The following ARHGAP42 variants were observed in gnomAD, a reference collection of about 807,000 sequenced individuals.
ARHGAP42 encodes the protein Rho GTPase activating protein 42.
ARHGAP42 carries 63 observed loss-of-function variants against 125.0 expected under a neutral mutation model. That is an observed-to-expected ratio of 0.50 (90% CI 0.41 to 0.62). The LOEUF (loss-of-function observed/expected upper bound fraction) is 0.62, where lower values mean the gene tolerates loss of function less well. Ranked by LOEUF, ARHGAP42 falls within the 20% of genes least tolerant of loss-of-function variation. The pLI, the probability that ARHGAP42 is intolerant of heterozygous loss-of-function variation, is 0.00. For missense variants in ARHGAP42, 766 were observed against 1,024.2 expected (o/e 0.75, Z 3.44); for synonymous variants, 339 against 351.0 (o/e 0.97, Z 0.38).
At chr11:100,801,677 C>A (rs554457319) in intron 3 of ARHGAP42, among the ~76,000 whole-genome samples, 8 of 151,906 alleles carry the variant, frequency 5.3e-5, no homozygotes, top group Non-Finnish European at 1.0e-4. Context: ...AGTTTTAATG[C>A]AACAAAAAAG....
At chr11:100,719,937 A>G (rs192504017) in intron 1 of ARHGAP42, among the ~76,000 whole-genome samples, 1 of 152,042 alleles carries the variant, frequency 6.6e-6, no homozygotes, top group Non-Finnish European at 1.5e-5. Flanking sequence ...TTCACCCCCA[A>G]CCTTGCCTCC....
At chr11:100,712,693 G>A (rs1861584896) in intron 1 of ARHGAP42, among the ~76,000 whole-genome samples, 1 of 152,160 alleles carries the variant, frequency 6.6e-6, no homozygotes, top group African/African-American at 2.4e-5. Flanking sequence ...GAGGGTGAGG[G>A]AAGGAGTTAA....
At chr11:100,690,262 G>T (rs1861164343) in intron 1 of ARHGAP42, among the ~76,000 whole-genome samples, 4 of 152,026 alleles carry the variant, frequency 2.6e-5, no homozygotes. Flanking sequence ...GCACGGCACT[G>T]TTATTTTTAT....
At chr11:100,962,350 G>A (rs980423292) in intron 15 of ARHGAP42, 59 bp from the exon 16 acceptor site, 11 of 1,372,526 alleles carry the variant, frequency 8.0e-6, no homozygotes, top group African/African-American at 1.4e-5. Context: ...AACACTTAAC[G>A]TTTAGGGGAG....
At chr11:100,786,637 G>A (rs1863441798) in intron 2 of ARHGAP42, among the ~76,000 whole-genome samples, 1 of 152,118 alleles carries the variant, frequency 6.6e-6, no homozygotes, top group Non-Finnish European at 1.5e-5. Flanking sequence ...AGTTCTGGGA[G>A]AGTATCCTAA....
chr11:100,882,197 T>G (rs1187842866), intron 4 of ARHGAP42, among the ~76,000 whole-genome samples: 1 of 152,234 alleles, frequency 6.6e-6, no homozygotes, highest in Non-Finnish European at 1.5e-5. Flanking sequence ...CTTTCAACTT[T>G]TCTCCTGTTC....
At chr11:100,915,809 C>T (rs1291275835) in intron 5 of ARHGAP42, among the ~76,000 whole-genome samples, 1 of 152,148 alleles carries the variant, frequency 6.6e-6, no homozygotes, top group African/African-American at 2.4e-5. Flanking sequence ...GTTAAAGTAG[C>T]TTCCCAGGGT....
chr11:100,819,067 G>C (rs1864344130), intron 3 of ARHGAP42, among the ~76,000 whole-genome samples: 1 of 152,142 alleles, frequency 6.6e-6, no homozygotes, highest in African/African-American at 2.4e-5. Context: ...GAGTATTTTT[G>C]GGGTTACATG....
At chr11:100,895,387 T>C (rs1239079561) in intron 4 of ARHGAP42, among the ~76,000 whole-genome samples, 1 of 152,120 alleles carries the variant, frequency 6.6e-6, no homozygotes. Context: ...CTCTCCCATG[T>C]CTTTATCCTG....
rs1866616354 is a variant in ARHGAP42 at position 100,903,391 on chromosome 11, C to G, written c.385-10061C>G. ...CAGTTCATATTTGTTCATCCAGGTTCTTTGTCATCCCGGAAGAGCAGAGAA... is the reference window on the plus strand; with the variant it reads ...CAGTTCATATTTGTTCATCCAGGTTGTTTGTCATCCCGGAAGAGCAGAGAA... On this transcript the variant is annotated intron_variant, in intron 4 of 23. Transcript: ENST00000298815. Among the ~76,000 whole-genome samples the G allele has an allele frequency of 2.0e-5, 3 of 151,948 alleles. No homozygotes were observed. In the South Asian group the frequency reaches 6.2e-4, roughly 32 times the overall value.
chr11:100,834,611 C>T (rs1864738110), intron 3 of ARHGAP42, among the ~76,000 whole-genome samples: 1 of 152,026 alleles, frequency 6.6e-6, no homozygotes, highest in African/African-American at 2.4e-5. Flanking sequence ...TAATAGTGGG[C>T]ATCAGAAGTT....
intron 1 of ARHGAP42, among the ~76,000 whole-genome samples, chr11:100,751,288 T>TTTTTGTTTGTTTTTTG (rs1862450003): frequency 2.2e-5 from 3 of 139,076 alleles, no homozygotes; most frequent in Non-Finnish European, 4.6e-5. Flanking sequence ...TGTTTTTTTT[T>TTTTTGTTTGTTTTTTG]TTTTTTTTTT....
At chr11:100,817,196 C>T (rs542442950) in intron 3 of ARHGAP42, among the ~76,000 whole-genome samples, 19 of 152,276 alleles carry the variant, frequency 1.2e-4, no homozygotes, top group African/African-American at 3.8e-4. Flanking sequence ...GGATATTTAG[C>T]GGCATCCCTG....
At chr11:100,885,679 A>G (rs2135183559) in intron 4 of ARHGAP42, among the ~76,000 whole-genome samples, 1 of 152,338 alleles carries the variant, frequency 6.6e-6, no homozygotes, top group South Asian at 2.1e-4. Flanking sequence ...TATGTTGGCT[A>G]ATTGTAAGAA....
At chr11:100,885,219 C>T (rs538219499) in intron 4 of ARHGAP42, among the ~76,000 whole-genome samples, 1 of 152,296 alleles carries the variant, frequency 6.6e-6, no homozygotes, top group South Asian at 2.1e-4. Flanking sequence ...TTATGCCTGA[C>T]AGGGTGTGGG....
At chr11:100,883,446 A>G (rs1866007965) in intron 4 of ARHGAP42, among the ~76,000 whole-genome samples, 1 of 151,966 alleles carries the variant, frequency 6.6e-6, no homozygotes, top group Non-Finnish European at 1.5e-5. Flanking sequence ...GAGTTCAAGC[A>G]ATTCTCCTGC....
chr11:100,724,105 GTTGATAT>G, intron 1 of ARHGAP42, among the ~76,000 whole-genome samples: 1 of 152,180 alleles, frequency 6.6e-6, no homozygotes, highest in South Asian at 2.1e-4. Flanking sequence ...TCTTTAGCTT[GTTGATAT>G]TATGGGCTAC....
intron 1 of ARHGAP42, among the ~76,000 whole-genome samples, chr11:100,751,130 G>C (rs973932526): frequency 2.0e-5 from 3 of 151,444 alleles, no homozygotes; most frequent in Non-Finnish European, 2.9e-5. Flanking sequence ...GTAGAGATGG[G>C]GTTTTACCAT....
chr11:100,749,504 A>C (rs1862392149), intron 1 of ARHGAP42, among the ~76,000 whole-genome samples: 1 of 151,870 alleles, frequency 6.6e-6, no homozygotes, highest in Non-Finnish European at 1.5e-5. Context: ...GGAAGGCTCA[A>C]CCCCTCAAAC....
Sources: gnomAD v4.1 joint callset for allele counts (sites outside exome capture counted in the v4.1 genomes callset) on GRCh38, gnomAD v4.1.1 for gene constraint, MANE v1.5 for transcripts, NCBI Gene and HGNC (gene_info 2026-07-23, HGNC 2026-07-21) for gene names.